The following PHF21A variants were observed in gnomAD, a reference collection of about 807,000 sequenced individuals.
The protein encoded by PHF21A is PHD finger protein 21A, also known as BHC80a.
In PHF21A, 11 loss-of-function variants were observed where a neutral mutation model predicts 82.5. The observed-to-expected ratio is 0.13, with a 90% CI of 0.08 to 0.22. The LOEUF is 0.22. Ranked by LOEUF, PHF21A falls within the 10% of genes least tolerant of loss-of-function variation. PHF21A has a pLI of 1.00. For missense variants in PHF21A, 579 were observed against 837.8 expected (o/e 0.69, Z 3.81); for synonymous variants, 297 against 302.8 (o/e 0.98, Z 0.20).
In PHF21A at chr11:45,993,125, C is replaced by T. The variant is rs532893124; in HGVS notation, c.154-13159G>A. Among the ~76,000 whole-genome samples, 529 of 152,232 alleles carry T rather than the reference C, an allele frequency of 3.5e-3. 2 individuals carry two copies. The highest frequency in any genetic ancestry group is 5.3e-3 in the Non-Finnish European group (360 of 68,006). On this transcript the variant is annotated intron_variant, in intron 6 of 18. Transcript: ENST00000676320. ...CTCATTTCTGAGTACTCTGATTTTT[C>T]AAAATCATTTAATTTACATGATTAA...
intron 6 of PHF21A, among the ~76,000 whole-genome samples, chr11:46,067,598 C>CAA (rs11448208): frequency 0.055 from 8,009 of 145,056 alleles, 197 homozygotes; most frequent in African/African-American, 0.07. Flanking sequence ...CCACCCCCCA[C>CAA]AAAAAAAAAA....
intron 16 of PHF21A, 70 bp downstream of exon 16, chr11:45,938,087 A>C: frequency 3.9e-5 from 50 of 1,296,060 alleles, no homozygotes; most frequent in East Asian, 4.9e-5. Flanking sequence ...TTCCCCGGGA[A>C]AGGAATTCCT....
At chr11:46,104,556 T>A (rs578050711) in intron 1 of PHF21A, among the ~76,000 whole-genome samples, 4 of 152,328 alleles carry the variant, frequency 2.6e-5, no homozygotes, top group East Asian at 1.9e-4. Flanking sequence ...GATAACACTT[T>A]TATCATCTAT....
At chr11:46,065,981 ACTTT>A (rs2096589311) in intron 6 of PHF21A, among the ~76,000 whole-genome samples, 1 of 152,240 alleles carries the variant, frequency 6.6e-6, no homozygotes, top group Non-Finnish European at 1.5e-5. Flanking sequence ...GAGATGACAA[ACTTT>A]TTTTCTTTAG....
At chr11:46,067,762 G>C (rs150763047) in intron 6 of PHF21A, among the ~76,000 whole-genome samples, 180 of 152,196 alleles carry the variant, frequency 1.2e-3, no homozygotes, top group African/African-American at 4.2e-3. Context: ...GACTTGAGGG[G>C]TACAAATGTG....
At chr11:45,962,892 CA>C (rs1360874344) in intron 10 of PHF21A, among the ~76,000 whole-genome samples, 2 of 149,070 alleles carry the variant, frequency 1.3e-5, no homozygotes, top group African/African-American at 4.9e-5. Context: ...GACTCTGTCT[CA>C]AAAAAGAGAA....
chr11:46,105,027 T>C lies in PHF21A; in HGVS notation c.-236-12804A>G, dbSNP rs377765542. Reference sequence around the variant, plus strand: ...TACCATTTATTTAGTACTTACTATGTGTCAGGCACTTCTACTAGTTTACAC... The same window carrying C: ...TACCATTTATTTAGTACTTACTATGCGTCAGGCACTTCTACTAGTTTACAC... On this transcript the variant is annotated intron_variant, in intron 1 of 18. Coordinates refer to ENST00000676320, the MANE Select transcript of PHF21A (RefSeq NM_001352027.3). 6.8e-4 allele frequency among the ~76,000 whole-genome samples: 103 copies of C among 152,328 alleles called. 3 individuals are homozygous for C. The South Asian group carries it at 0.021, about 31-fold the overall frequency.
chr11:46,024,769 C>T lies in PHF21A; in HGVS notation c.154-44803G>A, dbSNP rs539594106. 5.3e-5 allele frequency among the ~76,000 whole-genome samples: 8 copies of T among 152,178 alleles called. No homozygotes were observed. In the South Asian group the frequency reaches 1.5e-3, roughly 28 times the overall value. On this transcript the variant is annotated intron_variant, in intron 6 of 18. Transcript: ENST00000676320. ...GAGCCAAGATTGTGCCACTGCACTC[C>T]AGCCTGGGTGACCAAGTGAGACTCC...
At chr11:46,041,263 G>A (rs912785965) in intron 6 of PHF21A, among the ~76,000 whole-genome samples, 6 of 151,908 alleles carry the variant, frequency 3.9e-5, no homozygotes, top group Admixed American at 1.3e-4. Flanking sequence ...CTAATATGTC[G>A]CTAGAAAAGA....
At chr11:46,074,338 T>C (rs1173714699) in intron 6 of PHF21A, among the ~76,000 whole-genome samples, 2 of 151,750 alleles carry the variant, frequency 1.3e-5, no homozygotes, top group African/African-American at 4.8e-5. Flanking sequence ...TAAATTTTTC[T>C]AACAAAAAAT....
intron 6 of PHF21A, among the ~76,000 whole-genome samples, chr11:46,024,249 A>G (rs905381136): frequency 6.6e-6 from 1 of 151,598 alleles, no homozygotes; most frequent in Non-Finnish European, 1.5e-5. Flanking sequence ...TGACTTTCCT[A>G]TTTCTCCCAC....
intron 10 of PHF21A, among the ~76,000 whole-genome samples, chr11:45,961,738 C>T (rs2093092385): frequency 2.0e-5 from 3 of 152,090 alleles, no homozygotes; most frequent in South Asian, 2.1e-4. Context: ...CATTAAATAC[C>T]TGACTTCATT....
In PHF21A at chr11:45,958,396, C is replaced by CAAAAAAAAAAAAAA. The variant is rs1159762183; in HGVS notation, c.997-4785_997-4772dup. 2.8e-3 allele frequency among the ~76,000 whole-genome samples: 3 copies of CAAAAAAAAAAAAAA among 1,066 alleles called. 1 individual carries two copies. Among genetic ancestry groups the CAAAAAAAAAAAAAA allele is most frequent in the East Asian group, 0.056 (1 of 18 alleles). The allele number at this position is 1,066 out of a possible 152,430, so 0.7% of individuals were successfully genotyped here. On this transcript the variant is annotated intron_variant, in intron 10 of 18. Coordinates refer to ENST00000676320, the MANE Select transcript of PHF21A (RefSeq NM_001352027.3). ...TGAGCAACATGACAAAACCTGGTCT[C>CAAAAAAAAAAAAAA]AAAAAAAAAAAAAAAAAAAAAAAAT...
chr11:46,066,595 A>G (rs2096597018), intron 6 of PHF21A, among the ~76,000 whole-genome samples: 1 of 152,182 alleles, frequency 6.6e-6, no homozygotes, highest in Non-Finnish European at 1.5e-5. Flanking sequence ...GCCACTTGGG[A>G]GGCTCAGGTG....
chr11:45,941,263 T>C (rs2090294652), intron 15 of PHF21A, among the ~76,000 whole-genome samples: 1 of 152,212 alleles, frequency 6.6e-6, no homozygotes, highest in African/African-American at 2.4e-5. Flanking sequence ...CATGCCCGGC[T>C]AATTTTTTTA....
At chr11:46,051,529 T>C (rs1395617323) in intron 6 of PHF21A, among the ~76,000 whole-genome samples, 1 of 152,142 alleles carries the variant, frequency 6.6e-6, no homozygotes. Context: ...TGAAATTGCC[T>C]AAGGAAACCT....
chr11:46,065,944 A>G (rs1357813651), intron 6 of PHF21A, among the ~76,000 whole-genome samples: 1 of 152,272 alleles, frequency 6.6e-6, no homozygotes, highest in Non-Finnish European at 1.5e-5. Context: ...TGACTATGCC[A>G]TGAGATGTTA....
chr11:45,958,421 T>A (rs1442313966), intron 10 of PHF21A, among the ~76,000 whole-genome samples: 1,443 of 7,106 alleles, frequency 0.2, 96 homozygotes, highest in East Asian at 0.31. Context: ...AAAAAAAAAA[T>A]ATATATATAT....
chr11:46,043,415 C>A (rs375764059), intron 6 of PHF21A, among the ~76,000 whole-genome samples: 7 of 152,244 alleles, frequency 4.6e-5, no homozygotes, highest in African/African-American at 1.4e-4. Flanking sequence ...TCAAATTAAT[C>A]CTTTCTGGTT....
Sources: allele counts gnomAD v4.1 joint callset (sites outside exome capture counted in the v4.1 genomes callset), GRCh38; gene constraint gnomAD v4.1.1; transcripts MANE v1.5; gene names NCBI Gene and HGNC (gene_info 2026-07-23, HGNC 2026-07-21).